DSTN: variants seen among roughly 807,000 people sequenced by gnomAD.
DSTN encodes destrin, actin depolymerizing factor.
DSTN carries 10 observed loss-of-function variants against 16.8 expected under a neutral mutation model. The ratio of observed to expected loss-of-function variants is 0.60; its 90% CI spans 0.37 to 1.01. The LOEUF is 1.01. Among genes scored for constraint, DSTN ranks in the 50% least tolerant of loss-of-function variants. DSTN has a pLI of 0.01. For missense variants in DSTN, 141 were observed against 196.7 expected (o/e 0.72, Z 1.69); for synonymous variants, 57 against 58.9 (o/e 0.97, Z 0.14).
At chr20:17,594,740 G>C (rs750544071) in intron 1 of DSTN, among the ~76,000 whole-genome samples, 4 of 152,170 alleles carry the variant, frequency 2.6e-5, no homozygotes, top group Non-Finnish European at 5.9e-5. Flanking sequence ...CAAGTAAGAG[G>C]CAATGGAAGC....
chr20:17,579,875 GCA>G (rs1360263423), intron 1 of DSTN, among the ~76,000 whole-genome samples: 1 of 152,244 alleles, frequency 6.6e-6, no homozygotes, highest in Non-Finnish European at 1.5e-5. Context: ...GGCTGTCAAT[GCA>G]TGGAGAGCTT....
chr20:17,594,080 CAAAA>C (rs893642028), intron 1 of DSTN, among the ~76,000 whole-genome samples: 3 of 63,380 alleles, frequency 4.7e-5, no homozygotes, highest in Non-Finnish European at 8.6e-5. Context: ...CACCGTATCT[CAAAA>C]ATAAATAAAT....
intron 2 of DSTN, among the ~76,000 whole-genome samples, chr20:17,603,881 T>C (rs1600714127): frequency 6.6e-6 from 1 of 152,256 alleles, no homozygotes; most frequent in Admixed American, 6.5e-5. Flanking sequence ...TAATTAAACA[T>C]GTATTGTTAT....
chr20:17,579,451 C>T (rs1466369217), intron 1 of DSTN, among the ~76,000 whole-genome samples: 2 of 151,966 alleles, frequency 1.3e-5, no homozygotes, highest in Admixed American at 6.6e-5. Context: ...GGTGTGGCAG[C>T]GCATGCCTGT....
At chr20:17,579,607 G>T (rs1211508202) in intron 1 of DSTN, among the ~76,000 whole-genome samples, 1 of 152,216 alleles carries the variant, frequency 6.6e-6, no homozygotes, top group African/African-American at 2.4e-5. Context: ...GTGGCAGGTA[G>T]TAAAGTGCTT....
chr20:17,577,757 A>G (rs2035295228), intron 1 of DSTN, among the ~76,000 whole-genome samples: 1 of 152,202 alleles, frequency 6.6e-6, no homozygotes, highest in African/African-American at 2.4e-5. Context: ...ATTGTTTGAA[A>G]TCCAGTATAT....
intron 3 of DSTN, among the ~76,000 whole-genome samples, chr20:17,606,163 C>G (rs959345271): frequency 9.2e-5 from 14 of 151,666 alleles, no homozygotes; most frequent in African/African-American, 3.4e-4. Flanking sequence ...AAAGCATCCA[C>G]TGTCTTTCTC....
At chr20:17,601,829 C>A (rs1228476240) in intron 2 of DSTN, among the ~76,000 whole-genome samples, 1 of 152,122 alleles carries the variant, frequency 6.6e-6, no homozygotes, top group African/African-American at 2.4e-5. Flanking sequence ...AAAAGTTACA[C>A]CTGGATCCCT....
chr20:17,606,384 T>C (rs141685351), intron 3 of DSTN, among the ~76,000 whole-genome samples: 120 of 152,362 alleles, frequency 7.9e-4, no homozygotes, highest in African/African-American at 2.8e-3. Flanking sequence ...ATATTTCACA[T>C]AGTTTTCATT....
At chr20:17,602,221 C>G (rs1455031315) in intron 2 of DSTN, among the ~76,000 whole-genome samples, 3 of 152,124 alleles carry the variant, frequency 2.0e-5, no homozygotes, top group African/African-American at 7.2e-5. Flanking sequence ...AGCTTAGAGT[C>G]CATTGAAGCT....
intron 1 of DSTN, 53 bp downstream of exon 1, chr20:17,570,264 C>T: frequency 2.8e-6 from 4 of 1,449,652 alleles, no homozygotes; most frequent in Non-Finnish European, 2.7e-6. Context: ...AGCAGTGTGT[C>T]TCTGGGGCGC....
rs112935061 is a variant in DSTN at position 17,595,620 on chromosome 20, G to GA, written c.4-5104dup. ...GATGACAAGAGCGAACGTCCATCTG[G>GA]AAAAAAAAAAAAAATCTCCTCTGGA... On this transcript the variant is annotated intron_variant, in intron 1 of 3. Transcript: ENST00000246069. Among the ~76,000 whole-genome samples, 330 of 140,764 alleles carry GA rather than the reference G, an allele frequency of 2.3e-3. 1 individual carries two copies. Among genetic ancestry groups the GA allele is most frequent in the South Asian group, 7.0e-3 (31 of 4,408 alleles). The allele number at this position is 140,764 out of a possible 152,430, so 92.3% of individuals were successfully genotyped here.
chr20:17,594,017 G>T (rs1341045082), intron 1 of DSTN, among the ~76,000 whole-genome samples: 2 of 152,020 alleles, frequency 1.3e-5, no homozygotes, highest in Non-Finnish European at 2.9e-5. Context: ...GGAGTGCGAG[G>T]CTGCAGTTTG....
rs920648757 is a variant in DSTN at position 17,570,147 on chromosome 20, G to A, written c.-62G>A. The A allele has an allele frequency of 2.0e-5, 30 of 1,515,988 alleles. No homozygotes were observed. Among genetic ancestry groups the A allele is most frequent in the East Asian group, 1.1e-4 (4 of 37,020 alleles). The allele number at this position is 1,515,988 out of a possible 1,614,324, so 93.9% of individuals were successfully genotyped here. ...TCGGTCCCGCAGCCGTGAGGAGGAC[G>A]GTCTGCATACTCGCTGCCCGCCGGC... On this transcript the variant is annotated 5_prime_UTR_variant, in exon 1 of 4. Transcript: ENST00000246069.
rs1186775575 is a variant in DSTN at position 17,607,335 on chromosome 20, GAAATT to G, written c.*195_*199del. ...CTAAAGTCTAAAGTTTTATTGATGT[GAAATT>G]AAATTCTTATTGGCCAAATGCCTGT... On this transcript the variant is annotated 3_prime_UTR_variant, in exon 4 of 4. Coordinates refer to ENST00000246069, the MANE Select transcript of DSTN (RefSeq NM_006870.4). 1 of 472,364 alleles carries G rather than the reference GAAATT, an allele frequency of 2.1e-6. No homozygotes were observed. Among genetic ancestry groups the G allele is most frequent in the Non-Finnish European group, 3.7e-6 (1 of 273,950 alleles). The allele number at this position is 472,364 out of a possible 1,614,324, so 29.3% of individuals were successfully genotyped here.
intron 1 of DSTN, among the ~76,000 whole-genome samples, chr20:17,585,732 A>C (rs1001706621): frequency 6.6e-6 from 1 of 152,140 alleles, no homozygotes; most frequent in African/African-American, 2.4e-5. Context: ...ATTCCTTCAC[A>C]CACAAAAAAT....
chr20:17,600,905 T>TGGA lies in DSTN; in HGVS notation c.173_175dup (p.Gly58dup). The TGGA allele has an allele frequency of 1.2e-6, 2 of 1,613,944 alleles. No individual in the cohort carries two copies. Among genetic ancestry groups the TGGA allele is most frequent in the Non-Finnish European group, 1.7e-6 (2 of 1,179,908 alleles). On this transcript the variant is annotated inframe_insertion, in exon 2 of 4. Coordinates refer to ENST00000246069, the MANE Select transcript of DSTN (RefSeq NM_006870.4). The stretch of plus-strand genomic sequence containing the variant: ...TAGAAGAAGGCAAAGAGATCTTGGT[T>TGGA]GGAGATGTTGGTGTAACCATAACTG...
At chr20:17,579,336 A>C (rs2035317828) in intron 1 of DSTN, among the ~76,000 whole-genome samples, 1 of 152,196 alleles carries the variant, frequency 6.6e-6, no homozygotes, top group Admixed American at 6.5e-5. Context: ...GCACATTGGG[A>C]GGCCAAAGCA....
chr20:17,573,482 GT>G (rs1176155511), intron 1 of DSTN, among the ~76,000 whole-genome samples: 1 of 151,932 alleles, frequency 6.6e-6, no homozygotes, highest in East Asian at 1.9e-4. Context: ...TCTATTTAAA[GT>G]TTTTATAATA....
Sources: gnomAD v4.1 joint callset for allele counts (sites outside exome capture counted in the v4.1 genomes callset) on GRCh38, gnomAD v4.1.1 for gene constraint, MANE v1.5 for transcripts, NCBI Gene and HGNC (gene_info 2026-07-23, HGNC 2026-07-21) for gene names.